The following SPECC1 variants were observed in gnomAD, a reference collection of about 807,000 sequenced individuals.
The protein encoded by SPECC1 is cytospin-B.
A neutral mutation model predicts 104.1 loss-of-function variants in SPECC1; 62 were observed. That is an observed-to-expected ratio of 0.60 (90% confidence interval 0.49 to 0.74). The LOEUF is 0.74. Ranked by LOEUF, SPECC1 falls within the 30% of genes least tolerant of loss-of-function variation. The pLI is 0.00. For synonymous variants in SPECC1, 513 were observed against 501.6 expected (o/e 1.02, Z -0.30); for missense variants, 1,306 against 1,310.5 (o/e 1.00, Z 0.05).
At chr17:20,134,357 C>T (rs2152552012) in intron 3 of SPECC1, among the ~76,000 whole-genome samples, 1 of 151,856 alleles carries the variant, frequency 6.6e-6, no homozygotes, top group East Asian at 2.0e-4. Flanking sequence ...GCACCCAACT[C>T]CCCATTCCCC....
chr17:20,190,014 C>G (rs540696518), intron 3 of SPECC1, among the ~76,000 whole-genome samples: 2 of 151,966 alleles, frequency 1.3e-5, no homozygotes, highest in Admixed American at 1.3e-4. Context: ...TTTGCAAAGA[C>G]AATTTCTATT....
chr17:20,275,476 T>C (rs147889735), intron 12 of SPECC1, among the ~76,000 whole-genome samples: 1 of 152,242 alleles, frequency 6.6e-6, no homozygotes, highest in Non-Finnish European at 1.5e-5. Context: ...AATGACAGAA[T>C]TAATTCTTAG....
intron 3 of SPECC1, among the ~76,000 whole-genome samples, chr17:20,187,580 C>T (rs2035364702): frequency 6.6e-6 from 1 of 152,176 alleles, no homozygotes; most frequent in Non-Finnish European, 1.5e-5. Context: ...GAAATTGACC[C>T]TGAGAGAACA....
chr17:20,252,614 C>T (rs1344921208), intron 9 of SPECC1, among the ~76,000 whole-genome samples: 2 of 152,170 alleles, frequency 1.3e-5, no homozygotes, highest in Non-Finnish European at 2.9e-5. Context: ...AGAGTTATGC[C>T]GCTCTTGTCC....
chr17:20,186,916 C>T (rs2035321344), intron 3 of SPECC1, among the ~76,000 whole-genome samples: 1 of 152,120 alleles, frequency 6.6e-6, no homozygotes, highest in Non-Finnish European at 1.5e-5. Context: ...CTGCTGGGTC[C>T]TGAAGTCTTT....
At chr17:20,261,395 G>A (rs867604073) in intron 12 of SPECC1, among the ~76,000 whole-genome samples, 2 of 151,638 alleles carry the variant, frequency 1.3e-5, no homozygotes, top group Non-Finnish European at 2.9e-5. Context: ...ACAGCTACTC[G>A]GGAGGCTGAG....
intron 1 of SPECC1, among the ~76,000 whole-genome samples, chr17:20,061,825 C>T (rs543460297): frequency 1.3e-5 from 2 of 152,258 alleles, no homozygotes; most frequent in South Asian, 4.1e-4. Flanking sequence ...CATTTTTGCC[C>T]TCTTGGAACT....
At chr17:20,298,980 G>GTGTGTGTGT (rs1567617368) in intron 13 of SPECC1, among the ~76,000 whole-genome samples, 6 of 28,308 alleles carry the variant, frequency 2.1e-4, no homozygotes, top group African/African-American at 1.2e-3. Flanking sequence ...TGTATGTAGA[G>GTGTGTGTGT]AGAGAGAGAG....
chr17:20,238,283 C>G, intron 7 of SPECC1: 1 of 1,040,882 alleles, frequency 9.6e-7, no homozygotes, highest in South Asian at 4.6e-5. Flanking sequence ...ATGAAACTCA[C>G]CCCAGAAACT....
intron 12 of SPECC1, among the ~76,000 whole-genome samples, chr17:20,264,464 T>G (rs7226154): frequency 3.5e-4 from 26 of 73,592 alleles, no homozygotes; most frequent in African/African-American, 1.8e-3. Flanking sequence ...CGGATTTTTT[T>G]TTTTTTTTTT....
At chr17:20,021,589 C>A (rs1189384642) in intron 1 of SPECC1, among the ~76,000 whole-genome samples, 1 of 151,138 alleles carries the variant, frequency 6.6e-6, no homozygotes, top group Non-Finnish European at 1.5e-5. Context: ...TAACCAAGTA[C>A]TGCCAGATTG....
rs572996011 is a variant in SPECC1 at position 20,073,122 on chromosome 17, C to T, written c.-21-23509C>T. Among the ~76,000 whole-genome samples, 33 of 152,192 alleles carry T rather than the reference C, an allele frequency of 2.2e-4. No homozygotes were observed. The East Asian group carries it at 5.6e-3, about 26-fold the overall frequency. On this transcript the variant is annotated intron_variant, in intron 1 of 14. Transcript: ENST00000395527. The stretch of plus-strand genomic sequence containing the variant: ...CAAATTATTGGAGCCTAGGAGTTTC[C>T]GATGCCTACCTTTGAGATCCCTTTA...
chr17:20,230,458 T>A (rs2038502441), intron 5 of SPECC1, among the ~76,000 whole-genome samples: 1 of 152,188 alleles, frequency 6.6e-6, no homozygotes. Flanking sequence ...ATCATCAGTG[T>A]ATCCTTCCAA....
chr17:20,236,910 C>T (rs748637082), intron 7 of SPECC1: 13 of 1,613,514 alleles, frequency 8.1e-6, no homozygotes, highest in Non-Finnish European at 1.1e-5. Flanking sequence ...AAAGACAGCC[C>T]AGCTCTTGCC....
intron 12 of SPECC1, among the ~76,000 whole-genome samples, chr17:20,274,283 C>T (rs1353948276): frequency 6.6e-6 from 1 of 152,136 alleles, no homozygotes; most frequent in African/African-American, 2.4e-5. Context: ...TGGGTCTGGC[C>T]TCTGCCACAG....
chr17:20,117,071 G>A (rs2048799165), intron 3 of SPECC1, among the ~76,000 whole-genome samples: 1 of 151,948 alleles, frequency 6.6e-6, no homozygotes, highest in African/African-American at 2.4e-5. Flanking sequence ...AGAGGTGCTA[G>A]GCAGCTCAGT....
intron 11 of SPECC1, among the ~76,000 whole-genome samples, chr17:20,258,230 C>A (rs1015268440): frequency 6.6e-6 from 1 of 152,166 alleles, no homozygotes; most frequent in Non-Finnish European, 1.5e-5. Flanking sequence ...CATCAGAAAA[C>A]AGTGGTATAT....
intron 3 of SPECC1, among the ~76,000 whole-genome samples, chr17:20,201,118 CT>C (rs2036400997): frequency 6.6e-6 from 1 of 151,776 alleles, no homozygotes; most frequent in Non-Finnish European, 1.5e-5. Flanking sequence ...TTGATCTGTT[CT>C]ATATTAATTT....
At chr17:20,173,154 A>T (rs966702050) in intron 3 of SPECC1, among the ~76,000 whole-genome samples, 1 of 152,230 alleles carries the variant, frequency 6.6e-6, no homozygotes, top group African/African-American at 2.4e-5. Context: ...CCAAATAAGG[A>T]TGCACAGTCC....
Sources: gnomAD v4.1 joint callset for allele counts (sites outside exome capture counted in the v4.1 genomes callset) on GRCh38, gnomAD v4.1.1 for gene constraint, MANE v1.5 for transcripts, NCBI Gene and HGNC (gene_info 2026-07-23, HGNC 2026-07-21) for gene names.